The following PRR14 variants were observed in gnomAD, a reference collection of about 807,000 sequenced individuals.
PRR14 encodes proline rich 14.
A neutral mutation model predicts 57.2 loss-of-function variants in PRR14; 33 were observed. The ratio of observed to expected loss-of-function variants is 0.58; its 90% CI spans 0.44 to 0.77. The LOEUF (loss-of-function observed/expected upper bound fraction) is 0.77, where lower values mean the gene tolerates loss of function less well. Ranked by LOEUF, PRR14 falls within the 30% of genes least tolerant of loss-of-function variation. PRR14 has a pLI of 0.00. For synonymous variants in PRR14, 303 were observed against 314.7 expected (o/e 0.96, Z 0.39); for missense variants, 716 against 788.1 (o/e 0.91, Z 1.10).
Position 30,651,387 on chromosome 16 carries a change from CA to C in PRR14, c.-50-208del, listed in dbSNP as rs2052309603. On this transcript the variant is annotated intron_variant, in intron 1 of 11. Coordinates refer to ENST00000300835, the MANE Select transcript of PRR14 (RefSeq NM_024031.5). This position sits in a 1 kb window ranked among gnomAD's most constrained non-coding sequence, Gnocchi z 5.0. ...GCCGCTGCATTCTGGGTTCTGGCGG[CA>C]GGTGCCAGGCAGGGCGCGAGTGATC... 2 of 470,932 alleles carry C rather than the reference CA, an allele frequency of 4.2e-6. No individual in the cohort carries two copies. The highest frequency in any genetic ancestry group is 1.1e-3 in the Middle Eastern group (2 of 1,756). 29.2% of individuals were successfully genotyped at this position (470,932 alleles called of 1,614,324 possible). A position where few individuals can be genotyped will look rare whatever the true frequency, so the allele number is the denominator to read the frequency against.
chr16:30,653,340 A>G (rs758354824), intron 5 of PRR14, 25 bp from the exon 6 acceptor site: 2 of 1,613,448 alleles, frequency 1.2e-6, no homozygotes, highest in South Asian at 2.2e-5. Flanking sequence ...CTGCCTCCCC[A>G]CAAACATCCC....
chr16:30,654,426 T>C, intron 7 of PRR14, 87 bp downstream of exon 7: 4 of 1,218,560 alleles, frequency 3.3e-6, no homozygotes, highest in Non-Finnish European at 1.2e-6. Flanking sequence ...GAGTTGGGGA[T>C]AGGGCTTAAG....
In PRR14 at chr16:30,655,131, C is replaced by T. The variant is rs775660146; in HGVS notation, c.1161C>T (p.Leu387=). ...RPCLRKEVFP[L]GGVGASPSLT... is the part of the protein sequence containing the mutation. Reference sequence around the variant, plus strand: ...GTCTCCGGAAAGAGGTCTTCCCTCTCGGAGGAGTGGGAGCCTCCCCTTCTC... The same window carrying T: ...GTCTCCGGAAAGAGGTCTTCCCTCTTGGAGGAGTGGGAGCCTCCCCTTCTC... Residue 387 remains leucine (L), a synonymous_variant, in exon 8 of 12, where the codon CTC becomes CTT. Coordinates refer to ENST00000300835, the MANE Select transcript of PRR14 (RefSeq NM_024031.5). This position sits in a 1 kb window ranked among gnomAD's most constrained non-coding sequence, Gnocchi z 4.6. The T allele has an allele frequency of 7.4e-6, 12 of 1,610,972 alleles. No individual in the cohort carries two copies. The highest frequency in any genetic ancestry group is 1.7e-5 in the Admixed American group (1 of 59,864).
chr16:30,654,772 A>G lies in PRR14; in HGVS notation c.802A>G (p.Asn268Asp). The G allele has an allele frequency of 6.2e-7, 1 of 1,612,584 alleles. No homozygotes were observed. The highest frequency in any genetic ancestry group is 8.5e-7 in the Non-Finnish European group (1 of 1,179,546). ...ESFADIFLTP[N>D]KTPQPPPPSP... ...CTTTGCTGACATCTTCCTCACGCCCAACAAAACCCCACAGCCCCCACCCCC... is the reference window on the plus strand; with the variant it reads ...CTTTGCTGACATCTTCCTCACGCCCGACAAAACCCCACAGCCCCCACCCCC... The change falls in exon 8 of 12, where the codon AAC (asparagine) becomes GAC (aspartate). Residue 268 changes from asparagine to aspartate, a missense_variant. Coordinates refer to ENST00000300835, the MANE Select transcript of PRR14 (RefSeq NM_024031.5).
chr16:30,652,218 T>C (rs1295003437), intron 3 of PRR14: 3 of 647,786 alleles, frequency 4.6e-6, no homozygotes, highest in Non-Finnish European at 8.3e-6. Flanking sequence ...ACTCTTCTGC[T>C]TCTTTTTTTC....
chr16:30,653,321 G>T (rs756238112), intron 5 of PRR14, 44 bp from the exon 6 acceptor site: 1 of 1,603,024 alleles, frequency 6.2e-7, no homozygotes, highest in Admixed American at 1.7e-5. Context: ...GGGCACTAAG[G>T]GGGCTTTCCT....
intron 6 of PRR14, 131 bp downstream of exon 6, chr16:30,653,539 G>T: frequency 3.1e-6 from 3 of 958,196 alleles, no homozygotes; most frequent in Non-Finnish European, 4.8e-6. Flanking sequence ...TTAAGGGGCC[G>T]GGCACGCCCA....
rs751651374 is a variant in PRR14 at position 30,654,888 on chromosome 16, G to A, written c.918G>A (p.Arg306=). The change falls in exon 8 of 12, where the codon CGG becomes CGA. Residue 306 remains arginine (R), a synonymous_variant. Coordinates refer to ENST00000300835, the MANE Select transcript of PRR14 (RefSeq NM_024031.5). ...AGGGCACTGCGTCTGTCAGCCCCCG[G>A]CCCCCAATCCGCCAGTGGCGAACTC... is the stretch of plus-strand genomic sequence containing the variant. ...AAEGTASVSP[R]PPIRQWRTQD... 3 of 1,610,348 alleles carry A rather than the reference G, an allele frequency of 1.9e-6. No individual in the cohort carries two copies. Among genetic ancestry groups the A allele is most frequent in the Admixed American group, 1.7e-5 (1 of 59,794 alleles).
chr16:30,654,410 G>C (rs2151258603), intron 7 of PRR14, 71 bp downstream of exon 7: 2 of 1,342,128 alleles, frequency 1.5e-6, no homozygotes, highest in Middle Eastern at 1.8e-4. Flanking sequence ...GGAAGTGTCA[G>C]GTACAGAGTT....
chr16:30,651,539 GC>G lies in PRR14; in HGVS notation c.-50-53del. ...CCGCGGGCGGACCATGAAGGGCGGA[GC>G]CCCAGGGAAGGGGCCGGCCCTCACC... On this transcript the variant is annotated intron_variant, in intron 1 of 11. Transcript: ENST00000300835. The surrounding 1 kb of genome is among the most constrained non-coding windows in gnomAD (Gnocchi z 5.0). 1 of 752,466 alleles carries G rather than the reference GC, an allele frequency of 1.3e-6. No homozygotes were observed. Among genetic ancestry groups the G allele is most frequent in the Non-Finnish European group, 2.0e-6 (1 of 494,382 alleles). 46.6% of individuals were successfully genotyped at this position (752,466 alleles called of 1,614,324 possible). A position where few individuals can be genotyped will look rare whatever the true frequency, so the allele number is the denominator to read the frequency against.
In PRR14 at chr16:30,651,892, C is replaced by T; in HGVS notation, c.120C>T (p.Ala40=). ...GGCCGAGGCTGCAGCTCCCGGGGGCCCCTTCTCCCCTGGAAAAGGCCTCTC... is the reference window on the plus strand; with the variant it reads ...GGCCGAGGCTGCAGCTCCCGGGGGCTCCTTCTCCCCTGGAAAAGGCCTCTC... ...PKRPRLQLPG[A]PSPLEKASRR... is the part of the protein sequence containing the mutation. Residue 40 remains alanine, a synonymous_variant, in exon 3 of 12, where the codon GCC becomes GCT. Coordinates refer to ENST00000300835, the MANE Select transcript of PRR14 (RefSeq NM_024031.5). This position sits in a 1 kb window ranked among gnomAD's most constrained non-coding sequence, Gnocchi z 5.0. 6.2e-7 allele frequency: 1 copy of T among 1,601,676 alleles called. No homozygotes were observed. The highest frequency in any genetic ancestry group is 1.1e-5 in the South Asian group (1 of 90,356).
Position 30,654,775 on chromosome 16 carries a change from A to C in PRR14, c.805A>C (p.Lys269Gln), listed in dbSNP as rs747734396. ...SFADIFLTPN[K>Q]TPQPPPPSPP... ...TGCTGACATCTTCCTCACGCCCAACAAAACCCCACAGCCCCCACCCCCGTC... is the reference window on the plus strand; with the variant it reads ...TGCTGACATCTTCCTCACGCCCAACCAAACCCCACAGCCCCCACCCCCGTC... Residue 269 changes from lysine (K) to glutamine (Q), a missense_variant, in exon 8 of 12, where the codon AAA (lysine) becomes CAA (glutamine). Coordinates refer to ENST00000300835, the MANE Select transcript of PRR14 (RefSeq NM_024031.5). 3 of 1,612,094 alleles carry C rather than the reference A, an allele frequency of 1.9e-6. No homozygotes were observed. The highest frequency in any genetic ancestry group is 2.5e-6 in the Non-Finnish European group (3 of 1,179,302).
chr16:30,652,755 C>T lies in PRR14; in HGVS notation c.227C>T (p.Pro76Leu). The T allele has an allele frequency of 6.2e-7, 1 of 1,614,196 alleles. No homozygotes were observed. The highest frequency in any genetic ancestry group is 1.7e-5 in the Admixed American group (1 of 60,022). ...GTGCCCTCAAAGCAGACCTCCATAC[C>T]ACAGCACCACAGCTACCATCAGGAT... ...PVVPSKQTSI[P>L]QHHSYHQDPV... The change falls in exon 4 of 12, where the codon CCA (proline) becomes CTA (leucine). Residue 76 changes from proline (P) to leucine (L), a missense_variant. Physicochemically the swap from Pro to Leu is moderately conservative, Grantham distance 98. Coordinates refer to ENST00000300835, the MANE Select transcript of PRR14 (RefSeq NM_024031.5).
chr16:30,650,906 G>A (rs758540033), upstream of PRR14: 7 of 425,872 alleles, frequency 1.6e-5, no homozygotes, highest in Non-Finnish European at 2.4e-5. Flanking sequence ...GGCCGGGGGA[G>A]ACCGCTGGGC....
intron 6 of PRR14, 98 bp from the exon 7 acceptor site, chr16:30,654,128 CAAAA>C (rs370614424): frequency 1.3e-4 from 89 of 676,998 alleles, no homozygotes; most frequent in Middle Eastern, 6.1e-4. Context: ...GGCTCTGTCT[CAAAA>C]AAAAAAAAAA....
In PRR14 at chr16:30,655,236, C is replaced by T. The variant is rs1567539640; in HGVS notation, c.1244+22C>T. ...CCAGGTAGTGCTCTCAAAAAACCCC[C>T]TTGAAGCCTGGCTGCAGCCTGGTCC... is the stretch of plus-strand genomic sequence containing the variant. On this transcript the variant is annotated intron_variant, in intron 8 of 11. Coordinates refer to ENST00000300835, the MANE Select transcript of PRR14 (RefSeq NM_024031.5). The surrounding 1 kb of genome is among the most constrained non-coding windows in gnomAD (Gnocchi z 4.6). 1 of 1,593,896 alleles carries T rather than the reference C, an allele frequency of 6.3e-7. No individual in the cohort carries two copies. Among genetic ancestry groups the T allele is most frequent in the African/African-American group, 1.3e-5 (1 of 74,438 alleles).
At chr16:30,652,186 C>T in intron 3 of PRR14, 1 of 643,382 alleles carries the variant, frequency 1.6e-6, no homozygotes, top group Admixed American at 2.5e-5. Context: ...GGGCTGGAAC[C>T]ACATCCCTGT....
At chr16:30,652,638 C>G (rs2052324586) in intron 3 of PRR14, 83 bp from the exon 4 acceptor site, 19 of 1,543,918 alleles carry the variant, frequency 1.2e-5, no homozygotes, top group Non-Finnish European at 1.6e-5. Context: ...GTTTGTGGCT[C>G]AGGGCACTGT....
chr16:30,654,516 A>G, intron 7 of PRR14, 113 bp from the exon 8 acceptor site: 2 of 998,990 alleles, frequency 2.0e-6, no homozygotes, highest in Non-Finnish European at 3.0e-6. Flanking sequence ...TAAATGCAGA[A>G]CTTAGTGTTT....
Sources: gnomAD v4.1 joint callset for allele counts on GRCh38, gnomAD v4.1.1 for gene constraint, Gnocchi (gnomAD v3.1) non-coding constraint, MANE v1.5 for transcripts, NCBI Gene and HGNC (gene_info 2026-07-23, HGNC 2026-07-21) for gene names.